MEF2C: variants seen among roughly 807,000 people sequenced by gnomAD.
The protein encoded by MEF2C is myocyte enhancer factor 2C.
In MEF2C, 6 loss-of-function variants were observed where a neutral mutation model predicts 50.5. That is an observed-to-expected ratio of 0.12 (90% confidence interval 0.07 to 0.23). MEF2C has a LOEUF of 0.23. MEF2C is among the 10% of genes least tolerant of loss of function. The pLI is 1.00. For missense variants in MEF2C, 276 were observed against 605.0 expected (o/e 0.46, Z 5.70); for synonymous variants, 183 against 228.0 (o/e 0.80, Z 1.78).
intron 6 of MEF2C, chr5:88,748,243 A>C: frequency 1.0e-6 from 1 of 966,550 alleles, no homozygotes; most frequent in Non-Finnish European, 1.2e-6. Flanking sequence ...ATCCATGTCT[A>C]TTTCAATAAA....
rs1755173121 is a variant in MEF2C at position 88,718,094 on chromosome 5, T to G, written c.*4510A>C. On this transcript the variant is annotated 3_prime_UTR_variant, in exon 11 of 11. Transcript: ENST00000504921. ...CACCCCTCCCACACAGACACACATA[T>G]CCATCTTTTCATATAATATTTTGAG... 6.6e-6 allele frequency: 1 copy of G among 152,156 alleles called. No homozygotes were observed. 9.4% of individuals were successfully genotyped at this position (152,156 alleles called of 1,614,324 possible).
At chr5:88,880,378 CTA>C (rs923821639) in intron 1 of MEF2C, among the ~76,000 whole-genome samples, 2 of 152,040 alleles carry the variant, frequency 1.3e-5, no homozygotes, top group Non-Finnish European at 2.9e-5. Flanking sequence ...TGTTTAATAA[CTA>C]TGTCTTTGTT....
chr5:88,780,927 G>A, intron 3 of MEF2C: 1 of 985,108 alleles, frequency 1.0e-6, no homozygotes, highest in Non-Finnish European at 1.2e-6. Flanking sequence ...AGTTCAAAGG[G>A]GACACCAGGA....
chr5:88,902,417 A>C (rs1175477756), intron 1 of MEF2C, among the ~76,000 whole-genome samples: 5 of 151,856 alleles, frequency 3.3e-5, no homozygotes, highest in Admixed American at 3.3e-4. Flanking sequence ...AATGTTTTAA[A>C]ATAGGGGTTC....
chr5:88,735,925 T>C, intron 6 of MEF2C: 1 of 985,366 alleles, frequency 1.0e-6, no homozygotes, highest in South Asian at 4.7e-5. Context: ...TTTCTTCACT[T>C]GTTTCTTTTT....
At chr5:88,761,451 A>G in intron 3 of MEF2C, 123 bp from the exon 4 acceptor site, 1 of 1,163,228 alleles carries the variant, frequency 8.6e-7, no homozygotes, top group African/African-American at 1.5e-5. Context: ...TCTATTAGGG[A>G]AGAGAAACCA....
intron 5 of MEF2C, chr5:88,750,207 ATTTT>A: frequency 7.8e-6 from 3 of 384,144 alleles, no homozygotes; most frequent in Non-Finnish European, 1.0e-5. Context: ...TATATACACG[ATTTT>A]TTTTTTTTTT....
chr5:88,833,151 A>T (rs1363241443), intron 1 of MEF2C, among the ~76,000 whole-genome samples: 3 of 152,152 alleles, frequency 2.0e-5, no homozygotes, highest in Non-Finnish European at 4.4e-5. Context: ...ATACCTGATC[A>T]TCTATTCACT....
chr5:88,785,834 T>C (rs1693514193), intron 3 of MEF2C, among the ~76,000 whole-genome samples: 2 of 151,876 alleles, frequency 1.3e-5, no homozygotes, highest in African/African-American at 4.8e-5. Flanking sequence ...GTTTACAACC[T>C]ATGAGGAAAA....
chr5:88,775,059 T>G (rs1437060690), intron 3 of MEF2C, among the ~76,000 whole-genome samples: 3 of 152,226 alleles, frequency 2.0e-5, no homozygotes, highest in Non-Finnish European at 4.4e-5. Flanking sequence ...TAATTTAATG[T>G]AAATTTCAAG....
Position 88,747,607 on chromosome 5 carries a change from C to CAT in MEF2C, c.637+1462_637+1463insAT, listed in dbSNP as rs1390892695. Reference sequence around the variant, plus strand: ...CTCGTGATCCGCCCGCCTCGGCCTCCCAAAGTGCTGGGATTACAGGCGTGA... The same window carrying CAT: ...CTCGTGATCCGCCCGCCTCGGCCTCCATCAAAGTGCTGGGATTACAGGCGTGA... On this transcript the variant is annotated intron_variant, in intron 6 of 10. Transcript: ENST00000504921. Among the ~76,000 whole-genome samples the CAT allele has an allele frequency of 1.1e-4, 5 of 46,258 alleles. 1 individual carries two copies. Among genetic ancestry groups the CAT allele is most frequent in the East Asian group, 1.1e-3 (1 of 910 alleles). The allele number at this position is 46,258 out of a possible 152,430, so 30.3% of individuals were successfully genotyped here.
At chr5:88,900,846 T>G (rs1835583101) in intron 1 of MEF2C, among the ~76,000 whole-genome samples, 1 of 152,008 alleles carries the variant, frequency 6.6e-6, no homozygotes, top group African/African-American at 2.4e-5. Flanking sequence ...GGTCACCACC[T>G]TGGTGACCTT....
intron 3 of MEF2C, among the ~76,000 whole-genome samples, chr5:88,801,158 C>T (rs997771168): frequency 3.3e-5 from 5 of 152,102 alleles, no homozygotes; most frequent in African/African-American, 7.2e-5. Flanking sequence ...CTATCTCTCC[C>T]GATACCTTTT....
chr5:88,738,643 G>A, intron 6 of MEF2C: 10 of 985,328 alleles, frequency 1.0e-5, no homozygotes, highest in Non-Finnish European at 1.2e-5. Flanking sequence ...GATAGTGAAA[G>A]CCTTTCTATG....
At chr5:88,748,461 A>G (rs1771035741) in intron 6 of MEF2C, among the ~76,000 whole-genome samples, 2 of 152,208 alleles carry the variant, frequency 1.3e-5, no homozygotes, top group Admixed American at 1.3e-4. Flanking sequence ...CAATATTACA[A>G]ATTAACACGG....
chr5:88,837,580 C>T (rs1815673706), intron 1 of MEF2C, among the ~76,000 whole-genome samples: 1 of 152,096 alleles, frequency 6.6e-6, no homozygotes, highest in Non-Finnish European at 1.5e-5. Flanking sequence ...CGGGTTCAGT[C>T]TCTAAGACCC....
chr5:88,843,251 C>T lies in MEF2C; in HGVS notation c.-142-19321G>A, dbSNP rs1365445200. 5.7e-4 allele frequency: 309 copies of T among 541,910 alleles called. No individual in the cohort carries two copies. The African/African-American group carries it at 6.6e-3, about 12-fold the overall frequency. 33.6% of individuals were successfully genotyped at this position (541,910 alleles called of 1,614,324 possible). ...TTCTATGGTAAAAAAAAAAGCATTT[C>T]TATTTCTATTTGGGTATCTTACTCC... On this transcript the variant is annotated intron_variant, in intron 1 of 10. Transcript: ENST00000504921.
intron 6 of MEF2C, chr5:88,735,531 T>A (rs538295809): frequency 1.0e-6 from 1 of 978,604 alleles, no homozygotes; most frequent in East Asian, 1.1e-4. Context: ...TCAGTTTGTT[T>A]TATAGTTTCA....
intron 3 of MEF2C, among the ~76,000 whole-genome samples, chr5:88,787,591 G>A (rs1791587972): frequency 6.6e-6 from 1 of 152,168 alleles, no homozygotes; most frequent in Non-Finnish European, 1.5e-5. Context: ...CTATATCCTA[G>A]AAGTAAAATT....
Sources: gnomAD v4.1 joint callset for allele counts (sites outside exome capture counted in the v4.1 genomes callset) on GRCh38, gnomAD v4.1.1 for gene constraint, MANE v1.5 for transcripts, NCBI Gene and HGNC (gene_info 2026-07-23, HGNC 2026-07-21) for gene names.